Variants in KCNIP1 observed in about 807,000 individuals in gnomAD.
KCNIP1 encodes A-type potassium channel modulatory protein KCNIP1.
In KCNIP1, 18 loss-of-function variants were observed where a neutral mutation model predicts 33.0. The ratio of observed to expected loss-of-function variants is 0.55; its 90% CI spans 0.38 to 0.81. The LOEUF is 0.81. KCNIP1 is among the 30% of genes least tolerant of loss of function. The probability of loss-of-function intolerance (pLI) is 0.00; values close to 1 mark genes in which losing one functional copy is unlikely to be tolerated. For synonymous variants in KCNIP1, 93 were observed against 98.3 expected, an observed-to-expected ratio of 0.95 and a Z score of 0.32; for missense variants, 238 against 271.6, an observed-to-expected ratio of 0.88 and a Z score of 0.87.
At chr5:170,626,062 C>G (rs544083640) in intron 1 of KCNIP1, among the ~76,000 whole-genome samples, 1 of 152,180 alleles carries the variant, frequency 6.6e-6, no homozygotes, top group South Asian at 2.1e-4. Context: ...GGAACCAGAC[C>G]CTGCAGGGCC....
At chr5:170,645,379 G>A (rs78093057) in intron 1 of KCNIP1, among the ~76,000 whole-genome samples, 3,000 of 152,174 alleles carry the variant, frequency 0.02, 104 homozygotes, top group African/African-American at 0.069. Context: ...GATAAGGATG[G>A]ATATTACATA....
At chr5:170,383,153 G>A (rs1430366637) in intron 1 of KCNIP1, 1 of 183,974 alleles carries the variant, frequency 5.4e-6, no homozygotes, top group Non-Finnish European at 1.1e-5. Flanking sequence ...ATGTTGGGAT[G>A]CAAGGATGGA....
intron 1 of KCNIP1, among the ~76,000 whole-genome samples, chr5:170,641,256 C>A (rs1405294409): frequency 6.6e-6 from 1 of 152,200 alleles, no homozygotes; most frequent in Non-Finnish European, 1.5e-5. Flanking sequence ...TGTGCCTCAT[C>A]ACATTTCTCC....
chr5:170,440,339 G>C (rs1755961380), intron 1 of KCNIP1, among the ~76,000 whole-genome samples: 2 of 152,236 alleles, frequency 1.3e-5, no homozygotes, highest in Non-Finnish European at 2.9e-5. Flanking sequence ...ACAGAAAAGT[G>C]TGATAAGGCC....
chr5:170,402,358 G>A (rs986684106), intron 1 of KCNIP1, among the ~76,000 whole-genome samples: 2 of 152,076 alleles, frequency 1.3e-5, no homozygotes, highest in African/African-American at 2.4e-5. Context: ...AATTAGCCAC[G>A]ATGGACTAAC....
intron 1 of KCNIP1, among the ~76,000 whole-genome samples, chr5:170,575,490 G>C (rs987967739): frequency 1.3e-5 from 2 of 152,182 alleles, no homozygotes; most frequent in Non-Finnish European, 1.5e-5. Context: ...CCCTTTCTAG[G>C]AAAGGGTCTT....
At chr5:170,500,059 C>T (rs1315547170), upstream of KCNIP1, among the ~76,000 whole-genome samples, 1 of 152,146 alleles carries the variant, frequency 6.6e-6, no homozygotes, top group Non-Finnish European at 1.5e-5. Context: ...AACTGGAAGT[C>T]CAAGATCAAG....
At chr5:170,682,017 T>C (rs1177804020) in intron 1 of KCNIP1, among the ~76,000 whole-genome samples, 2 of 152,212 alleles carry the variant, frequency 1.3e-5, no homozygotes, top group Admixed American at 6.5e-5. Flanking sequence ...ATTCGGTGTA[T>C]ATTCTTCCAC....
At chr5:170,397,003 A>T (rs1221589649) in intron 1 of KCNIP1, among the ~76,000 whole-genome samples, 1 of 152,204 alleles carries the variant, frequency 6.6e-6, no homozygotes, top group East Asian at 1.9e-4. Context: ...CTGTCATGTG[A>T]TGCTATACTA....
intron 1 of KCNIP1, among the ~76,000 whole-genome samples, chr5:170,670,875 G>A (rs150089267): frequency 1.3e-4 from 20 of 149,186 alleles, no homozygotes; most frequent in African/African-American, 3.5e-4. Flanking sequence ...CAGCCTGGGC[G>A]ACAGAGTGAG....
intron 1 of KCNIP1, among the ~76,000 whole-genome samples, chr5:170,600,117 G>C (rs1370370461): frequency 6.6e-6 from 1 of 152,206 alleles, no homozygotes; most frequent in Non-Finnish European, 1.5e-5. Context: ...AGCCCAGAAA[G>C]GTCAATTAAC....
chr5:170,458,024 T>C (rs186884298), intron 1 of KCNIP1, among the ~76,000 whole-genome samples: 1 of 152,044 alleles, frequency 6.6e-6, no homozygotes, highest in Admixed American at 6.5e-5. Flanking sequence ...CAGGAAACAA[T>C]GGACACAGTT....
At position 170,489,726 on chromosome 5, in the gene KCNIP1, C is replaced by A. The variant is rs541507845; in HGVS notation, c.88+135762C>A. 3.5e-4 allele frequency among the ~76,000 whole-genome samples: 53 copies of A among 152,334 alleles called. No individual in the cohort carries two copies. In the South Asian group the frequency reaches 6.0e-3, roughly 17 times the overall value. ...AAATGGAGGCTCAGGGCAGAAGTTA[C>A]CCCCTTTACAACTGACGGGAGCTAT... is the stretch of plus-strand genomic sequence containing the variant. On this transcript the variant is annotated intron_variant, in intron 1 of 7. Transcript: ENST00000377360. This position sits in a 1 kb window ranked among gnomAD's most constrained non-coding sequence, Gnocchi z 4.3.
intron 1 of KCNIP1, among the ~76,000 whole-genome samples, chr5:170,399,245 GGGAGAT>G (rs1754834809): frequency 6.6e-6 from 1 of 152,196 alleles, no homozygotes; most frequent in African/African-American, 2.4e-5. Context: ...CAGGCTTGCT[GGGAGAT>G]GCTCTGTATG....
intron 1 of KCNIP1, among the ~76,000 whole-genome samples, chr5:170,517,558 T>C (rs1379605439): frequency 7.4e-6 from 1 of 134,824 alleles, no homozygotes; most frequent in African/African-American, 2.7e-5. Flanking sequence ...ATGTTGATTA[T>C]AAGGGTGGTG....
chr5:170,633,760 AG>A (rs1760173722), intron 1 of KCNIP1, among the ~76,000 whole-genome samples: 1 of 1,054 alleles, frequency 9.5e-4, no homozygotes, highest in Admixed American at 0.01. Context: ...GGCGGGGCGG[AG>A]GGGGGATGGG....
chr5:170,631,321 T>G (rs1184927545), intron 1 of KCNIP1, among the ~76,000 whole-genome samples: 1 of 152,144 alleles, frequency 6.6e-6, no homozygotes, highest in Non-Finnish European at 1.5e-5. Flanking sequence ...CCAAGCACCA[T>G]GCCTGGCACA....
At chr5:170,657,402 C>G (rs924423396) in intron 1 of KCNIP1, among the ~76,000 whole-genome samples, 1 of 152,170 alleles carries the variant, frequency 6.6e-6, no homozygotes, top group Non-Finnish European at 1.5e-5. Context: ...CAAGTCCCAG[C>G]CCTGCCACCC....
chr5:170,355,146 C>T (rs2113275898), intron 1 of KCNIP1, among the ~76,000 whole-genome samples: 1 of 152,300 alleles, frequency 6.6e-6, no homozygotes, highest in South Asian at 2.1e-4. Flanking sequence ...TTCTGACCTT[C>T]CTGTTATTTC....
Sources: allele counts gnomAD v4.1 joint callset (sites outside exome capture counted in the v4.1 genomes callset), GRCh38; gene constraint gnomAD v4.1.1; non-coding constraint Gnocchi (gnomAD v3.1); transcripts MANE v1.5; gene names NCBI Gene and HGNC (gene_info 2026-07-23, HGNC 2026-07-21).